ADGRL2: variants seen among roughly 807,000 people sequenced by gnomAD.
The protein encoded by ADGRL2 is adhesion G protein-coupled receptor L2, also known as calcium-independent alpha-latrotoxin receptor 2.
In ADGRL2, 44 loss-of-function variants were observed where a neutral mutation model predicts 157.4. That is an observed-to-expected ratio of 0.28 (90% CI 0.22 to 0.36). ADGRL2 has a LOEUF of 0.36. Ranked by LOEUF, ADGRL2 falls within the 10% of genes least tolerant of loss-of-function variation. The pLI is 1.00. For missense variants in ADGRL2, 1,510 were observed against 1,768.9 expected (o/e 0.85, Z 2.63); for synonymous variants, 585 against 624.7 (o/e 0.94, Z 0.95).
intron 21 of ADGRL2, 61 bp downstream of exon 21, chr1:81,985,416 A>C (rs1225996368): frequency 1.2e-5 from 10 of 862,306 alleles, no homozygotes; most frequent in Non-Finnish European, 1.9e-5. Context: ...AGTTCCTTTT[A>C]TTCAATAATG....
intron 2 of ADGRL2, among the ~76,000 whole-genome samples, chr1:81,497,205 A>G (rs1183233820): frequency 6.6e-6 from 1 of 152,214 alleles, no homozygotes; most frequent in Non-Finnish European, 1.5e-5. Flanking sequence ...TGTGTCAACA[A>G]AAAGGTCTAG....
chr1:81,985,419 C>A, intron 21 of ADGRL2, 64 bp downstream of exon 21: 2 of 825,240 alleles, frequency 2.4e-6, no homozygotes, highest in South Asian at 3.3e-5. Context: ...TCCTTTTATT[C>A]AATAATGTAA....
At chr1:81,367,196 C>CTTGTTTTGTT (rs59727022) in intron 1 of ADGRL2, among the ~76,000 whole-genome samples, 24 of 151,352 alleles carry the variant, frequency 1.6e-4, no homozygotes, top group Admixed American at 3.3e-4. Context: ...GGCAGTAACT[C>CTTGTTTTGTT]TTGTTTTGTT....
chr1:81,753,490 T>A (rs1212922802), intron 1 of ADGRL2, among the ~76,000 whole-genome samples: 2 of 152,138 alleles, frequency 1.3e-5, no homozygotes, highest in East Asian at 1.9e-4. Flanking sequence ...CATATCAGTA[T>A]GTAACAAACA....
intron 2 of ADGRL2, among the ~76,000 whole-genome samples, chr1:81,503,660 A>G (rs2148031796): frequency 6.6e-6 from 1 of 152,250 alleles, no homozygotes; most frequent in Non-Finnish European, 1.5e-5. Flanking sequence ...GAGAGGCTAG[A>G]GGGGCAGGAC....
chr1:81,965,966 A>G, intron 11 of ADGRL2, 92 bp from the exon 12 acceptor site: 1 of 1,284,816 alleles, frequency 7.8e-7, no homozygotes. Context: ...CAAAAAGAAA[A>G]CAGTAGTTTC....
intron 2 of ADGRL2, among the ~76,000 whole-genome samples, chr1:81,490,897 C>T (rs993607616): frequency 5.9e-5 from 9 of 152,154 alleles, no homozygotes; most frequent in African/African-American, 1.9e-4. Context: ...TGCCCACCAA[C>T]AATAGAATGG....
chr1:81,928,334 G>A (rs1572176496), intron 3 of ADGRL2, among the ~76,000 whole-genome samples: 2 of 152,038 alleles, frequency 1.3e-5, no homozygotes, highest in African/African-American at 4.8e-5. Context: ...AATCAGGTAC[G>A]GCTGATTGAG....
chr1:81,413,288 T>A (rs1021422858), intron 1 of ADGRL2, among the ~76,000 whole-genome samples: 4 of 152,082 alleles, frequency 2.6e-5, no homozygotes, highest in African/African-American at 9.7e-5. Flanking sequence ...AACAGATATA[T>A]CATCCTGGCC....
At chr1:81,634,207 T>C (rs1188065279) in intron 3 of ADGRL2, among the ~76,000 whole-genome samples, 1 of 152,192 alleles carries the variant, frequency 6.6e-6, no homozygotes, top group African/African-American at 2.4e-5. Context: ...TGAGGACTAA[T>C]ATTAACCACC....
rs372435050 is a variant in ADGRL2 at position 81,770,804 on chromosome 1, C to T, written c.-101+8952C>T. Among the ~76,000 whole-genome samples, 228 of 152,104 alleles carry T rather than the reference C, an allele frequency of 1.5e-3. 6 individuals are homozygous for T. The South Asian group carries it at 0.041, about 28-fold the overall frequency. Reference sequence around the variant, plus strand: ...TGTTTTTCAAAAAGGATTTATTCCCCCATAAATTTGTTAGATTTACTCTTA... The same window carrying T: ...TGTTTTTCAAAAAGGATTTATTCCCTCATAAATTTGTTAGATTTACTCTTA... On this transcript the variant is annotated intron_variant, in intron 2 of 20. Coordinates refer to the ADGRL2 transcript ENST00000359929.
chr1:81,505,489 C>T (rs1410043913), intron 2 of ADGRL2, among the ~76,000 whole-genome samples: 1 of 150,788 alleles, frequency 6.6e-6, no homozygotes, highest in Non-Finnish European at 1.5e-5. Context: ...GCTCGCCTGG[C>T]CACACCGTTG....
intron 2 of ADGRL2, among the ~76,000 whole-genome samples, chr1:81,558,156 T>C (rs1414363642): frequency 6.6e-6 from 1 of 152,134 alleles, no homozygotes; most frequent in Admixed American, 6.5e-5. Context: ...ATGTCTTCCA[T>C]GTGCAAAGTA....
intron 3 of ADGRL2, among the ~76,000 whole-genome samples, chr1:81,676,981 A>G (rs2083007437): frequency 7.4e-6 from 1 of 135,352 alleles, no homozygotes; most frequent in African/African-American, 2.8e-5. Context: ...TGGCCAACTC[A>G]TTGGATTATT....
At chr1:81,704,680 T>C (rs2083677260) in intron 1 of ADGRL2, among the ~76,000 whole-genome samples, 2 of 152,340 alleles carry the variant, frequency 1.3e-5, no homozygotes, top group East Asian at 3.9e-4. Context: ...TAAAACAGTT[T>C]GTAACATGTG....
chr1:81,456,701 G>T (rs1434878278), intron 2 of ADGRL2, among the ~76,000 whole-genome samples: 1 of 152,014 alleles, frequency 6.6e-6, no homozygotes, highest in Non-Finnish European at 1.5e-5. Flanking sequence ...CCTATGAGAG[G>T]AAAACATTTT....
chr1:81,359,490 A>C (rs756373523), intron 1 of ADGRL2, among the ~76,000 whole-genome samples: 2 of 152,034 alleles, frequency 1.3e-5, no homozygotes, highest in South Asian at 2.1e-4. Context: ...ACTACATATA[A>C]GTAATGCCAA....
At chr1:81,988,523 G>A (rs1187382247) in intron 23 of ADGRL2, 1 of 151,932 alleles carries the variant, frequency 6.6e-6, no homozygotes, top group Non-Finnish European at 1.5e-5. Flanking sequence ...TATGAAGCTA[G>A]AGAATTGTGT....
intron 3 of ADGRL2, among the ~76,000 whole-genome samples, chr1:81,933,281 AT>A: frequency 6.6e-6 from 1 of 152,226 alleles, no homozygotes; most frequent in East Asian, 1.9e-4. Flanking sequence ...ATTCATACCG[AT>A]TTTTTATGCT....
Sources: gnomAD v4.1 joint callset for allele counts (sites outside exome capture counted in the v4.1 genomes callset) on GRCh38, gnomAD v4.1.1 for gene constraint, MANE v1.5 for transcripts, NCBI Gene and HGNC (gene_info 2026-07-23, HGNC 2026-07-21) for gene names.